The following TM4SF18 variants were observed in gnomAD, a reference collection of about 807,000 sequenced individuals.
The protein encoded by TM4SF18 is transmembrane 4 L six family member 18.
Under a neutral mutation model 23.8 loss-of-function variants are expected in TM4SF18, and 22 were observed. The ratio of observed to expected loss-of-function variants is 0.92; its 90% CI spans 0.66 to 1.32. The LOEUF is 1.32. TM4SF18 is among the 40% of genes most tolerant of loss of function. The pLI is 0.00. For synonymous variants in TM4SF18, 87 were observed against 87.9 expected, an observed-to-expected ratio of 0.99 and a Z score of 0.06; for missense variants, 255 against 240.3, an observed-to-expected ratio of 1.06 and a Z score of -0.41.
chr3:149,330,443 G>T (rs1256200635), intron 2 of TM4SF18, 24 bp from the exon 3 acceptor site: 60 of 1,484,436 alleles, frequency 4.0e-5, no homozygotes, highest in Non-Finnish European at 5.6e-5. Flanking sequence ...GACATAAAAT[G>T]TTAGCAATGA....
intron 2 of TM4SF18, 67 bp from the exon 3 acceptor site, chr3:149,330,486 G>A (rs1227602839): frequency 1.8e-6 from 2 of 1,082,674 alleles, no homozygotes; most frequent in Non-Finnish European, 2.7e-6. Flanking sequence ...TATAATCAGA[G>A]GACAGCGTCT....
chr3:149,329,075 T>C (rs1731019155), intron 3 of TM4SF18, among the ~76,000 whole-genome samples: 3 of 151,992 alleles, frequency 2.0e-5, no homozygotes. Context: ...TACCTGAATT[T>C]ATTATTTCCC....
At chr3:149,330,249 G>A (rs948623917) in intron 3 of TM4SF18, 81 bp downstream of exon 3, 56 of 880,300 alleles carry the variant, frequency 6.4e-5, no homozygotes, top group Admixed American at 6.1e-5. Flanking sequence ...GTATAATACT[G>A]TCAATATTTT....
chr3:149,333,472 C>T, intron 1 of TM4SF18, 41 bp downstream of exon 1: 1 of 508,468 alleles, frequency 2.0e-6, no homozygotes, highest in Non-Finnish European at 2.7e-6. Flanking sequence ...TTTTTTTTCT[C>T]TCTCTCTCTC....
rs34338382 is a variant in TM4SF18, at chr3:149,322,905, C to CTTTTTTTTTTTTTTTTTTTTTTTT, written c.411-470_411-469insAAAAAAAAAAAAAAAAAAAAAAAA. On this transcript the variant is annotated intron_variant, in intron 4 of 5. Transcript: ENST00000296059. Reference sequence around the variant, plus strand: ...GAACTTTACCCCTCTGGCCTCCAGACTTTTTTTTTTTTTTTTGAGACGGAG... The same window carrying CTTTTTTTTTTTTTTTTTTTTTTTT: ...GAACTTTACCCCTCTGGCCTCCAGACTTTTTTTTTTTTTTTTTTTTTTTTTTTTTTTTTTTTTTTTGAGACGGAG... Among the ~76,000 whole-genome samples the CTTTTTTTTTTTTTTTTTTTTTTTT allele has an allele frequency of 2.7e-3, 345 of 128,718 alleles. 11 individuals are homozygous for CTTTTTTTTTTTTTTTTTTTTTTTT. Among genetic ancestry groups the CTTTTTTTTTTTTTTTTTTTTTTTT allele is most frequent in the Middle Eastern group, 4.2e-3 (1 of 236 alleles). The allele number at this position is 128,718 out of a possible 152,430, so 84.4% of individuals were successfully genotyped here. A position where few individuals can be genotyped will look rare whatever the true frequency, so the allele number is the denominator to read the frequency against.
At chr3:149,333,482 C>CGATTTTT in intron 1 of TM4SF18, 31 bp downstream of exon 1, 1 of 235,256 alleles carries the variant, frequency 4.3e-6, no homozygotes. Flanking sequence ...CTCTCTCTCT[C>CGATTTTT]TTTTTTTTTT....
At chr3:149,326,716 T>G (rs930606450) in intron 3 of TM4SF18, among the ~76,000 whole-genome samples, 2 of 152,232 alleles carry the variant, frequency 1.3e-5, no homozygotes, top group African/African-American at 4.8e-5. Context: ...TTTTCTGGAC[T>G]CACAGATCTT....
intron 2 of TM4SF18, among the ~76,000 whole-genome samples, chr3:149,332,495 C>T (rs1303856634): frequency 1.3e-5 from 2 of 152,052 alleles, no homozygotes; most frequent in African/African-American, 4.8e-5. Context: ...TGGATTCTTG[C>T]CATTGATAAT....
intron 3 of TM4SF18, among the ~76,000 whole-genome samples, chr3:149,328,512 G>A (rs1407570161): frequency 6.6e-6 from 1 of 152,170 alleles, no homozygotes; most frequent in African/African-American, 2.4e-5. Flanking sequence ...CATTTTGGAA[G>A]TTACAAACTG....
In TM4SF18 at chr3:149,321,501, A is replaced by C. The variant is rs1730805874; in HGVS notation, c.592-9T>G. 3 of 1,573,418 alleles carry C rather than the reference A, an allele frequency of 1.9e-6. No individual in the cohort carries two copies. In the African/African-American group the frequency reaches 4.1e-5, roughly 21 times the overall value. ...ATTCAAATGATTCCAGGCTATAGGA[A>C]AAAAGGAAAAACAAAGTGATTAAAG... On this transcript the variant is annotated splice_polypyrimidine_tract_variant and intron_variant, in intron 5 of 5. Transcript: ENST00000296059.
In TM4SF18 at chr3:149,329,156, TCACACACACA is replaced by T. The variant is rs33985529; in HGVS notation, c.267+1164_267+1173del. The stretch of plus-strand genomic sequence containing the variant: ...ACTGGAGGATGACTGAGTCAACTGG[TCACACACACA>T]CACACACACACACACACACACACAC... On this transcript the variant is annotated intron_variant, in intron 3 of 5. Coordinates refer to ENST00000296059, the MANE Select transcript of TM4SF18 (RefSeq NM_138786.4). Among the ~76,000 whole-genome samples, 652 of 142,226 alleles carry T rather than the reference TCACACACACA, an allele frequency of 4.6e-3. 4 individuals carry two copies. The highest frequency in any genetic ancestry group is 0.015 in the African/African-American group (578 of 38,830). The allele number at this position is 142,226 out of a possible 152,430, so 93.3% of individuals were successfully genotyped here.
At chr3:149,325,050 T>C in intron 3 of TM4SF18, 28 bp from the exon 4 acceptor site, 1 of 1,607,254 alleles carries the variant, frequency 6.2e-7, no homozygotes, top group Non-Finnish European at 8.5e-7. Flanking sequence ...AGCAGGTTAG[T>C]ACCATAGAAT....
intron 2 of TM4SF18, among the ~76,000 whole-genome samples, chr3:149,331,107 A>G (rs1731076502): frequency 2.6e-5 from 4 of 152,200 alleles, no homozygotes; most frequent in Admixed American, 2.6e-4. Flanking sequence ...TGGTTAGACT[A>G]GATACAGATC....
chr3:149,321,562 G>T, intron 5 of TM4SF18, 70 bp from the exon 6 acceptor site: 1 of 1,002,906 alleles, frequency 1.0e-6, no homozygotes, highest in Non-Finnish European at 1.5e-6. Flanking sequence ...CCGTAATCCA[G>T]ATAGCAACTT....
chr3:149,329,651 G>T (rs2108362518), intron 3 of TM4SF18, among the ~76,000 whole-genome samples: 1 of 152,298 alleles, frequency 6.6e-6, no homozygotes, highest in Non-Finnish European at 1.5e-5. Flanking sequence ...GGAGGAAGAG[G>T]ATGAGAAGGA....
chr3:149,332,851 G>A (rs1052032722), intron 2 of TM4SF18, among the ~76,000 whole-genome samples: 6 of 151,960 alleles, frequency 3.9e-5, no homozygotes, highest in Non-Finnish European at 8.8e-5. Flanking sequence ...AGAAAAACAT[G>A]AGTGCAGACA....
chr3:149,324,330 T>G (rs939287599), intron 4 of TM4SF18, among the ~76,000 whole-genome samples: 1 of 152,190 alleles, frequency 6.6e-6, no homozygotes, highest in Non-Finnish European at 1.5e-5. Flanking sequence ...TCTGGCTCAT[T>G]CCACAAACTC....
intron 3 of TM4SF18, among the ~76,000 whole-genome samples, chr3:149,326,051 G>A (rs963141672): frequency 4.6e-5 from 7 of 151,880 alleles, no homozygotes; most frequent in African/African-American, 1.7e-4. Flanking sequence ...TGAGCCATTA[G>A]GTTGCAGACA....
At chr3:149,322,190 C>G in intron 5 of TM4SF18, 66 bp downstream of exon 5, 1 of 1,372,162 alleles carries the variant, frequency 7.3e-7, no homozygotes, top group Non-Finnish European at 1.0e-6. Flanking sequence ...TTTCAAAAAG[C>G]CTCATTGAAT....
Sources: allele counts gnomAD v4.1 joint callset (sites outside exome capture counted in the v4.1 genomes callset), GRCh38; gene constraint gnomAD v4.1.1; transcripts MANE v1.5; gene names NCBI Gene and HGNC (gene_info 2026-07-23, HGNC 2026-07-21).